RBM5: variants seen among roughly 807,000 people sequenced by gnomAD.
The protein encoded by RBM5 is RNA-binding protein 5.
RBM5 carries 15 observed loss-of-function variants against 124.6 expected under a neutral mutation model. That is an observed-to-expected ratio of 0.12 (90% CI 0.08 to 0.19). The LOEUF (loss-of-function observed/expected upper bound fraction) is 0.19, where lower values mean the gene tolerates loss of function less well. RBM5 is among the 10% of genes least tolerant of loss of function. The pLI is 1.00. For missense variants in RBM5, 580 were observed against 1,026.5 expected, an observed-to-expected ratio of 0.57 and a Z score of 5.94; for synonymous variants, 337 against 361.2, an observed-to-expected ratio of 0.93 and a Z score of 0.76.
intron 4 of RBM5, among the ~76,000 whole-genome samples, chr3:50,095,756 A>G (rs1457021885): frequency 1.3e-5 from 2 of 152,120 alleles, no homozygotes; most frequent in East Asian, 1.9e-4. Context: ...TCTCTACCAC[A>G]AGATCTCTGA....
intron 2 of RBM5, 115 bp from the exon 3 acceptor site, chr3:50,091,928 T>C (rs2090709947): frequency 2.0e-6 from 2 of 1,013,332 alleles, no homozygotes; most frequent in South Asian, 2.7e-5. Flanking sequence ...TTTAACACTT[T>C]AAACTATTTG....
At position 50,117,607 on chromosome 3, in the gene RBM5, C is replaced by T; in HGVS notation, c.2322+228C>T. Reference sequence around the variant, plus strand: ...ACCAGCCTGGGCAACACGGTGAAACCCCGTCTCTACTAAAATACAAAATAT... The same window carrying T: ...ACCAGCCTGGGCAACACGGTGAAACTCCGTCTCTACTAAAATACAAAATAT... On this transcript the variant is annotated intron_variant, in intron 24 of 24. Transcript: ENST00000347869. The surrounding 1 kb of genome is among the most constrained non-coding windows in gnomAD (Gnocchi z 4.2). 1 of 462,680 alleles carries T rather than the reference C, an allele frequency of 2.2e-6. No homozygotes were observed. Among genetic ancestry groups the T allele is most frequent in the Non-Finnish European group, 3.9e-6 (1 of 258,944 alleles). 28.7% of individuals were successfully genotyped at this position (462,680 alleles called of 1,614,324 possible).
intron 2 of RBM5, among the ~76,000 whole-genome samples, chr3:50,091,465 A>T (rs1489179761): frequency 1.3e-5 from 2 of 152,158 alleles, no homozygotes; most frequent in African/African-American, 4.8e-5. Flanking sequence ...AATAAACCAG[A>T]TGTTATAAGA....
At chr3:50,092,255 A>G in intron 3 of RBM5, 47 bp downstream of exon 3, 1 of 1,578,566 alleles carries the variant, frequency 6.3e-7, no homozygotes, top group Admixed American at 1.8e-5. Flanking sequence ...TCTGAGCCTT[A>G]TAGTAATAGA....
Position 50,117,451 on chromosome 3 carries a change from C to A in RBM5, c.2322+72C>A. 1 of 1,585,778 alleles carries A rather than the reference C, an allele frequency of 6.3e-7. No homozygotes were observed. Among genetic ancestry groups the A allele is most frequent in the South Asian group, 1.1e-5 (1 of 88,244 alleles). On this transcript the variant is annotated intron_variant, in intron 24 of 24. Transcript: ENST00000347869. The surrounding 1 kb of genome is among the most constrained non-coding windows in gnomAD (Gnocchi z 4.2). ...GTTCCAGAGATGAGATCAGAGCACTCATAGAGCCTGGGAGCCAGGAGCAGC... is the reference window on the plus strand; with the variant it reads ...GTTCCAGAGATGAGATCAGAGCACTAATAGAGCCTGGGAGCCAGGAGCAGC...
chr3:50,105,381 G>C (rs775737629), intron 9 of RBM5, among the ~76,000 whole-genome samples, 168 bp from the exon 10 acceptor site: 3 of 151,998 alleles, frequency 2.0e-5, no homozygotes, highest in Non-Finnish European at 2.9e-5. Context: ...CAGCAGCTTC[G>C]GGTTGTCCCT....
chr3:50,109,932 G>A (rs2091111400), intron 15 of RBM5: 1 of 380,150 alleles, frequency 2.6e-6, no homozygotes, highest in Non-Finnish European at 4.7e-6. Context: ...TGTCGCCGGG[G>A]CCGGGTGTGG....
At position 50,106,833 on chromosome 3, in the gene RBM5, A is replaced by G. The variant is rs1407714398; in HGVS notation, c.922A>G (p.Ile308Val). 41 of 1,612,676 alleles carry G rather than the reference A, an allele frequency of 2.5e-5. No individual in the cohort carries two copies. Among genetic ancestry groups the G allele is most frequent in the Non-Finnish European group, 3.3e-5 (39 of 1,178,682 alleles). Residue 308 changes from isoleucine (I) to valine (V), a missense_variant, in exon 11 of 25, where the codon ATT (isoleucine) becomes GTT (valine). Coordinates refer to ENST00000347869, the MANE Select transcript of RBM5 (RefSeq NM_005778.4). Reference sequence around the variant, plus strand: ...TCCTTTGAAAATTGATGGCAAAACTATTGGGGTTGATTTTGCAAAAAGTGC... The same window carrying G: ...TCCTTTGAAAATTGATGGCAAAACTGTTGGGGTTGATTTTGCAAAAAGTGC... ...HPPLKIDGKT[I>V]GVDFAKSARK...
chr3:50,113,145 C>A, intron 17 of RBM5: 1 of 317,574 alleles, frequency 3.1e-6, no homozygotes. Context: ...TGAGCCACTG[C>A]TCCCGGCTGG....
Position 50,105,723 on chromosome 3 carries a change from C to T in RBM5, c.855+14C>T, listed in dbSNP as rs202166679. 30 of 1,610,522 alleles carry T rather than the reference C, an allele frequency of 1.9e-5. 1 individual carries two copies. The South Asian group carries it at 2.5e-4, about 14-fold the overall frequency. The stretch of plus-strand genomic sequence containing the variant: ...TCCTCTGCAATGGTGAGGTTCTCAT[C>T]GATTCTTTCCTTTTTAAAAGAAACA... On this transcript the variant is annotated intron_variant, in intron 10 of 24. Transcript: ENST00000347869.
At chr3:50,091,528 A>C (rs2090701696) in intron 2 of RBM5, among the ~76,000 whole-genome samples, 1 of 152,180 alleles carries the variant, frequency 6.6e-6, no homozygotes, top group Non-Finnish European at 1.5e-5. Flanking sequence ...GTTGTATCTG[A>C]CAGACAACTA....
At chr3:50,115,750 A>G in intron 21 of RBM5, 143 bp downstream of exon 21, 1 of 1,210,782 alleles carries the variant, frequency 8.3e-7, no homozygotes, top group South Asian at 1.4e-5. Context: ...CAGTGGACGG[A>G]GTCTGGCAGC....
chr3:50,100,564 T>C lies in RBM5; in HGVS notation c.442T>C (p.Tyr148His), dbSNP rs2090918797. 1.2e-6 allele frequency: 2 copies of C among 1,613,266 alleles called. No homozygotes were observed. The highest frequency in any genetic ancestry group is 8.5e-7 in the Non-Finnish European group (1 of 1,179,312). The change falls in exon 6 of 25, where the codon TAT becomes CAT. Residue 148 changes from tyrosine to histidine, a missense_variant. This residue lies in a region of RBM5 where 101 missense variants were observed against 223.2 expected (regional missense o/e 0.45). Coordinates refer to ENST00000347869, the MANE Select transcript of RBM5 (RefSeq NM_005778.4). The surrounding 1 kb of genome is among the most constrained non-coding windows in gnomAD (Gnocchi z 5.1). ...CCGTGGTTTCGCCTTCGTGGAGTTT[T>C]ATCACTTGCAAGATGCTACCAGCTG... ...VSRGFAFVEF[Y>H]HLQDATSWME...
chr3:50,108,236 C>A lies in RBM5; in HGVS notation c.1124C>A (p.Ser375Ter). The change falls in exon 14 of 25, where the codon TCA becomes TAA. Residue 375 changes from serine (S) to a stop codon, truncating the protein, a stop_gained. Transcript: ENST00000347869. LOFTEE classifies it high-confidence loss of function. The stretch of plus-strand genomic sequence containing the variant: ...TAATGGTGGACTTTTCTTCAGTATT[C>A]ACAGGATTATCAGCAGTTTTATCAA... ...QDGYAQYAQYSQDYQQFYQQQ... is the reference protein window; with the variant it reads ...QDGYAQYAQY 6.2e-7 allele frequency: 1 copy of A among 1,612,756 alleles called. No individual in the cohort carries two copies. Among genetic ancestry groups the A allele is most frequent in the South Asian group, 1.1e-5 (1 of 91,052 alleles).
rs2090682799 is a variant in RBM5 at position 50,090,381 on chromosome 3, G to GA, written c.-48dup. The GA allele has an allele frequency of 3.1e-6, 5 of 1,607,486 alleles. No individual in the cohort carries two copies. In the South Asian group the frequency reaches 5.5e-5, roughly 18 times the overall value. On this transcript the variant is annotated splice_region_variant and 5_prime_UTR_variant. Coordinates refer to ENST00000347869, the MANE Select transcript of RBM5 (RefSeq NM_005778.4). ...AGCAATTAATCTCTCTTGTCTCCTA[G>GA]AAAAAATAAAATTTGAACCTTTTGG...
rs2091291930 is a variant in RBM5, at chr3:50,118,129, T to C, written c.2323-202T>C. ...ATTGAGGGGTGGGTGATTTGCTTCA[T>C]CTGCCTGTGTTCCGTAGCCCATTTT... On this transcript the variant is annotated intron_variant, in intron 24 of 24. Transcript: ENST00000347869. The C allele has an allele frequency of 4.5e-6, 3 of 666,628 alleles. No individual in the cohort carries two copies. The Middle Eastern group carries it at 1.3e-3, about 283-fold the overall frequency. 41.3% of individuals were successfully genotyped at this position (666,628 alleles called of 1,614,324 possible).
At chr3:50,089,757 G>A (rs940194942) in intron 1 of RBM5, 2 of 152,778 alleles carry the variant, frequency 1.3e-5, no homozygotes, top group African/African-American at 4.8e-5. Context: ...ATTACCAACG[G>A]GGGGCGGGGG....
chr3:50,108,202 T>A, intron 13 of RBM5, 30 bp from the exon 14 acceptor site: 1 of 1,604,928 alleles, frequency 6.2e-7, no homozygotes, highest in Admixed American at 1.7e-5. Context: ...TGTCTGAGAA[T>A]AGCAGCTTTA....
intron 20 of RBM5, chr3:50,115,159 C>T (rs1443837933): frequency 8.1e-6 from 3 of 371,060 alleles, no homozygotes; most frequent in South Asian, 2.9e-5. Context: ...CAGAGCGAGA[C>T]TCCTTCTCCA....
Sources: allele counts gnomAD v4.1 joint callset (sites outside exome capture counted in the v4.1 genomes callset), GRCh38; gene constraint gnomAD v4.1.1; regional missense constraint gnomAD v4.1.1; non-coding constraint Gnocchi (gnomAD v3.1); transcripts MANE v1.5; gene names NCBI Gene and HGNC (gene_info 2026-07-23, HGNC 2026-07-21).